The following SNTG1 variants were observed in gnomAD, a reference collection of about 807,000 sequenced individuals.
SNTG1 encodes the protein syntrophin gamma 1.
A neutral mutation model predicts 74.7 loss-of-function variants in SNTG1; 39 were observed. The ratio of observed to expected loss-of-function variants is 0.52; its 90% CI spans 0.40 to 0.68. SNTG1 has a LOEUF of 0.68. SNTG1 is among the 30% of genes least tolerant of loss of function. The pLI is 0.00. For missense variants in SNTG1, 685 were observed against 609.5 expected (o/e 1.12, Z -1.30); for synonymous variants, 254 against 217.1 (o/e 1.17, Z -1.49).
chr8:50,546,314 GA>G (rs1477741984), intron 11 of SNTG1, among the ~76,000 whole-genome samples: 8 of 152,246 alleles, frequency 5.3e-5, no homozygotes, highest in Middle Eastern at 3.4e-3. Flanking sequence ...AAAATGTGAT[GA>G]GGGGGAAAGG....
At chr8:50,713,792 G>A (rs572261235) in intron 17 of SNTG1, among the ~76,000 whole-genome samples, 85 of 152,200 alleles carry the variant, frequency 5.6e-4, no homozygotes, top group Non-Finnish European at 9.9e-4. Flanking sequence ...GGGTGTGGTG[G>A]CTCACATCTG....
At chr8:50,430,617 T>A (rs1334040090) in intron 4 of SNTG1, among the ~76,000 whole-genome samples, 1 of 152,152 alleles carries the variant, frequency 6.6e-6, no homozygotes, top group Non-Finnish European at 1.5e-5. Context: ...TCGACTTTGT[T>A]CTAAGGGGTG....
intron 13 of SNTG1, among the ~76,000 whole-genome samples, chr8:50,641,406 C>A (rs1258978427): frequency 1.3e-5 from 2 of 152,212 alleles, no homozygotes; most frequent in Non-Finnish European, 2.9e-5. Flanking sequence ...TGGAAAGGAC[C>A]TGCACGTGCT....
At chr8:50,336,914 C>A (rs1299958135) in intron 2 of SNTG1, among the ~76,000 whole-genome samples, 1 of 152,148 alleles carries the variant, frequency 6.6e-6, no homozygotes, top group Non-Finnish European at 1.5e-5. Flanking sequence ...GTGTTCTTTA[C>A]TACTATATGT....
chr8:50,151,269 A>G (rs533893593), intron 1 of SNTG1, among the ~76,000 whole-genome samples: 2 of 152,140 alleles, frequency 1.3e-5, no homozygotes, highest in East Asian at 3.9e-4. Flanking sequence ...CCCCTTTATC[A>G]TTTTTTATTG....
rs548721957 is a variant in SNTG1, at chr8:50,353,723, C to A, written c.-27-40489C>A. On this transcript the variant is annotated intron_variant, in intron 2 of 18. Coordinates refer to ENST00000642720, the MANE Select transcript of SNTG1 (RefSeq NM_018967.5). ...AATGGGCCAAGGCCAGAAACCATTT[C>A]TTTTCATTCATACAAGGTCAAGTTC... is the stretch of plus-strand genomic sequence containing the variant. Among the ~76,000 whole-genome samples, 440 of 152,294 alleles carry A rather than the reference C, an allele frequency of 2.9e-3. 3 individuals carry two copies. The highest frequency in any genetic ancestry group is 0.01 in the African/African-American group (421 of 41,566).
rs1386490945 is a variant in SNTG1 at position 50,112,762 on chromosome 8, G to T, written c.-102-59799G>T. Among the ~76,000 whole-genome samples the T allele has an allele frequency of 4.6e-5, 7 of 152,012 alleles. No homozygotes were observed. In the East Asian group the frequency reaches 9.7e-4, roughly 21 times the overall value. On this transcript the variant is annotated intron_variant, in intron 1 of 18. Transcript: ENST00000642720. The stretch of plus-strand genomic sequence containing the variant: ...GGTCTCAAGTGATCCACCTGCTTCG[G>T]CCTCCTAAAGTGCTGGGATTACAGG...
At chr8:50,269,719 A>G (rs565566131) in intron 2 of SNTG1, among the ~76,000 whole-genome samples, 72 of 152,298 alleles carry the variant, frequency 4.7e-4, no homozygotes, top group Non-Finnish European at 8.8e-4. Flanking sequence ...GCAAAAAGAT[A>G]ATTTGAAATA....
At chr8:50,208,832 G>A (rs1170850393) in intron 2 of SNTG1, among the ~76,000 whole-genome samples, 3 of 152,160 alleles carry the variant, frequency 2.0e-5, no homozygotes, top group Admixed American at 6.5e-5. Context: ...CAGCGTGAGC[G>A]AAGCAGAAGA....
chr8:50,117,850 G>A (rs1408735146), intron 1 of SNTG1, among the ~76,000 whole-genome samples: 1 of 152,094 alleles, frequency 6.6e-6, no homozygotes, highest in East Asian at 1.9e-4. Flanking sequence ...TATTAGGTCT[G>A]AAGTTAGGTT....
intron 1 of SNTG1, among the ~76,000 whole-genome samples, chr8:50,084,391 C>T (rs1357238450): frequency 6.6e-6 from 1 of 152,026 alleles, no homozygotes; most frequent in Admixed American, 6.6e-5. Context: ...ATCCTGAAGG[C>T]GGAGGTTGCA....
At chr8:50,567,464 A>T (rs2094522426) in intron 12 of SNTG1, among the ~76,000 whole-genome samples, 1 of 152,168 alleles carries the variant, frequency 6.6e-6, no homozygotes, top group Admixed American at 6.6e-5. Flanking sequence ...ACTTTGAAAC[A>T]TATGTGTATG....
chr8:50,672,222 A>G (rs1021366907), intron 15 of SNTG1, among the ~76,000 whole-genome samples: 1 of 152,076 alleles, frequency 6.6e-6, no homozygotes, highest in Admixed American at 6.6e-5. Context: ...TCTGGATCAA[A>G]TGGTATTTCT....
intron 1 of SNTG1, among the ~76,000 whole-genome samples, chr8:50,108,182 A>G (rs1253936859): frequency 6.6e-6 from 1 of 152,168 alleles, no homozygotes; most frequent in Admixed American, 6.5e-5. Flanking sequence ...ACTAAATAGA[A>G]CTCTGTTCAA....
intron 9 of SNTG1, among the ~76,000 whole-genome samples, chr8:50,508,386 T>C (rs139773981): frequency 0.018 from 2,680 of 152,270 alleles, 94 homozygotes; most frequent in African/African-American, 0.061. Flanking sequence ...AACATACGTG[T>C]GCATGTGTCT....
intron 2 of SNTG1, among the ~76,000 whole-genome samples, chr8:50,291,568 C>T (rs141063459): frequency 3.3e-5 from 5 of 151,982 alleles, no homozygotes; most frequent in Non-Finnish European, 2.9e-5. Flanking sequence ...AGGGCTAGAT[C>T]GAGGAAGACT....
intron 15 of SNTG1, among the ~76,000 whole-genome samples, chr8:50,660,142 A>G (rs1007930183): frequency 6.6e-6 from 1 of 151,870 alleles, no homozygotes; most frequent in African/African-American, 2.4e-5. Flanking sequence ...GCCAGGGCGA[A>G]CTGTGTATTT....
chr8:50,075,780 C>A (rs538871980), intron 1 of SNTG1, among the ~76,000 whole-genome samples: 26 of 152,264 alleles, frequency 1.7e-4, no homozygotes, highest in African/African-American at 6.3e-4. Context: ...GAGGAATGAA[C>A]AACTCCAGAC....
chr8:50,544,098 A>G (rs2094368452), intron 11 of SNTG1, among the ~76,000 whole-genome samples: 1 of 151,978 alleles, frequency 6.6e-6, no homozygotes, highest in Admixed American at 6.6e-5. Flanking sequence ...GTGCTGTTTT[A>G]TTTCCTTACC....
Sources: gnomAD v4.1 joint callset for allele counts (sites outside exome capture counted in the v4.1 genomes callset) on GRCh38, gnomAD v4.1.1 for gene constraint, MANE v1.5 for transcripts, NCBI Gene and HGNC (gene_info 2026-07-23, HGNC 2026-07-21) for gene names.